Variants in ARL14EPL observed in about 807,000 individuals in gnomAD.
The protein encoded by ARL14EPL is ARL14 effector protein-like.
ARL14EPL carries 17 observed loss-of-function variants against 15.9 expected under a neutral mutation model. That is an observed-to-expected ratio of 1.07 (90% CI 0.73 to 1.60). The LOEUF (loss-of-function observed/expected upper bound fraction) is 1.60. Ranked by LOEUF, ARL14EPL falls within the 40% of genes most tolerant of loss-of-function variation. The probability of loss-of-function intolerance (pLI) is 0.00; values close to 1 mark genes in which losing one functional copy is unlikely to be tolerated. For synonymous variants in ARL14EPL, 78 were observed against 63.8 expected (o/e 1.22, Z -1.06); for missense variants, 214 against 185.9 (o/e 1.15, Z -0.88).
intron 1 of ARL14EPL, among the ~76,000 whole-genome samples, chr5:116,041,499 A>G (rs778427195): frequency 6.6e-6 from 1 of 152,152 alleles, no homozygotes; most frequent in Admixed American, 6.5e-5. Flanking sequence ...CTGAAATTGC[A>G]TAACTCTGCT....
At chr5:116,058,620 G>C (rs6880244) in intron 3 of ARL14EPL, 105 bp from the exon 4 acceptor site, 791,719 of 1,093,710 alleles carry the variant, frequency 0.72, 296,004 homozygotes, top group Non-Finnish European at 0.79. Flanking sequence ...GGAGTTCTGG[G>C]TCAGGGTAAA....
At chr5:116,051,865 T>G in intron 2 of ARL14EPL, 1 of 1,210,268 alleles carries the variant, frequency 8.3e-7, no homozygotes, top group Non-Finnish European at 1.2e-6. Flanking sequence ...ATTTTTTGAT[T>G]TAATAAAGTT....
chr5:116,054,854 A>G (rs1010569690), intron 3 of ARL14EPL, among the ~76,000 whole-genome samples: 4 of 151,274 alleles, frequency 2.6e-5, no homozygotes, highest in Non-Finnish European at 5.9e-5. Context: ...ATAAATAAAT[A>G]AAATAAAAAA....
intron 1 of ARL14EPL, among the ~76,000 whole-genome samples, chr5:116,044,273 G>A (rs1749222266): frequency 6.6e-6 from 1 of 152,128 alleles, no homozygotes; most frequent in Non-Finnish European, 1.5e-5. Flanking sequence ...AACAGAGCAA[G>A]TATTAACCTG....
intron 1 of ARL14EPL, among the ~76,000 whole-genome samples, chr5:116,050,701 T>C (rs1022733346): frequency 6.6e-6 from 1 of 151,860 alleles, no homozygotes; most frequent in Non-Finnish European, 1.5e-5. Context: ...AAGCCTCCTC[T>C]GGAGAGTGGT....
intron 2 of ARL14EPL, chr5:116,052,322 T>C (rs2662470): frequency 0.79 from 794,414 of 1,000,606 alleles, 318,828 homozygotes; most frequent in Non-Finnish European, 0.83. Flanking sequence ...ACCGCAGCCT[T>C]GCAAAGATGT....
chr5:116,039,308 A>G (rs1316010932), intron 1 of ARL14EPL, among the ~76,000 whole-genome samples: 2 of 152,220 alleles, frequency 1.3e-5, no homozygotes, highest in Non-Finnish European at 2.9e-5. Flanking sequence ...GCCTTCAAGC[A>G]AAGATCACAG....
At chr5:116,036,354 G>A (rs1580409706) in intron 1 of ARL14EPL, among the ~76,000 whole-genome samples, 2 of 152,158 alleles carry the variant, frequency 1.3e-5, no homozygotes, top group Non-Finnish European at 2.9e-5. Context: ...ATAATACAGT[G>A]TCAAGTGGGA....
intron 2 of ARL14EPL, chr5:116,052,043 G>A: frequency 1.2e-6 from 2 of 1,612,748 alleles, no homozygotes; most frequent in Non-Finnish European, 1.7e-6. Context: ...CCTGGCCAGG[G>A]AGCCTCGAAT....
At chr5:116,035,478 C>G (rs192406766) in intron 1 of ARL14EPL, among the ~76,000 whole-genome samples, 1 of 152,148 alleles carries the variant, frequency 6.6e-6, no homozygotes, top group Non-Finnish European at 1.5e-5. Flanking sequence ...AATCAGAAAC[C>G]AAATCGGCTT....
At chr5:116,047,600 C>T (rs1292239751) in intron 1 of ARL14EPL, among the ~76,000 whole-genome samples, 2 of 152,158 alleles carry the variant, frequency 1.3e-5, no homozygotes, top group East Asian at 1.9e-4. Context: ...GCTAAAAGGC[C>T]GAGTGGGGAA....
chr5:116,046,155 A>T (rs971529366), intron 1 of ARL14EPL, among the ~76,000 whole-genome samples: 3 of 151,958 alleles, frequency 2.0e-5, no homozygotes, highest in African/African-American at 7.3e-5. Context: ...AAATAGCTTG[A>T]CTCTCTTGTC....
At chr5:116,033,265 G>A (rs1174782032) in intron 1 of ARL14EPL, among the ~76,000 whole-genome samples, 1 of 152,112 alleles carries the variant, frequency 6.6e-6, no homozygotes, top group Non-Finnish European at 1.5e-5. Flanking sequence ...AAATTCAATA[G>A]TAACCATACT....
chr5:116,058,475 G>A (rs548708913), intron 3 of ARL14EPL, among the ~76,000 whole-genome samples: 132 of 152,248 alleles, frequency 8.7e-4, no homozygotes, highest in African/African-American at 3.1e-3. Context: ...TAGATGACAA[G>A]CCTGGCTGCA....
intron 1 of ARL14EPL, among the ~76,000 whole-genome samples, chr5:116,034,142 T>C (rs1245276400): frequency 6.6e-6 from 1 of 152,196 alleles, no homozygotes; most frequent in Non-Finnish European, 1.5e-5. Context: ...TTTTGGGTTT[T>C]CTATCCTCTG....
rs6880325 is a variant in ARL14EPL, at chr5:116,058,854, C to T, written c.366C>T (p.Pro122=). Residue 122 remains proline, a synonymous_variant, in exon 4 of 4, where the codon CCC becomes CCT. Transcript: ENST00000686077. ...CPKCNSNKCG[P]ECRCNRRWVY... is the part of the protein sequence containing the mutation. ...AGTGTAACTCCAACAAGTGTGGGCC[C>T]GAGTGCCGCTGCAACCGACGGTGGG... 56,575 of 1,535,998 alleles carry T rather than the reference C, an allele frequency of 0.037. 1,544 individuals are homozygous for T. The highest frequency in any genetic ancestry group is 0.15 in the East Asian group (6,241 of 40,908).
intron 1 of ARL14EPL, among the ~76,000 whole-genome samples, chr5:116,036,663 T>C (rs546289708): frequency 6.6e-6 from 1 of 152,338 alleles, no homozygotes; most frequent in Non-Finnish European, 1.5e-5. Flanking sequence ...TTTATTGATA[T>C]AAATAAACTT....
intron 1 of ARL14EPL, among the ~76,000 whole-genome samples, chr5:116,048,662 T>G (rs1446185308): frequency 6.6e-6 from 1 of 152,090 alleles, no homozygotes; most frequent in Admixed American, 6.6e-5. Context: ...AGTAAAACTT[T>G]GACATCTACG....
Position 116,040,218 on chromosome 5 carries a change from T to C in ARL14EPL, c.-10+7713T>C, listed in dbSNP as rs112476786. 9.3e-3 allele frequency among the ~76,000 whole-genome samples: 1,412 copies of C among 152,242 alleles called. 16 individuals carry two copies. The highest frequency in any genetic ancestry group is 0.028 in the African/African-American group (1,173 of 41,550). On this transcript the variant is annotated intron_variant, in intron 1 of 3. Coordinates refer to ENST00000686077, the MANE Select transcript of ARL14EPL (RefSeq NM_001195581.2). ...TGTCTATTTTAAAGCTTTTGACATA[T>C]ACCAAATGGCTATATATAATTTCTA... is the stretch of plus-strand genomic sequence containing the variant.
Sources: gnomAD v4.1 joint callset for allele counts (sites outside exome capture counted in the v4.1 genomes callset) on GRCh38, gnomAD v4.1.1 for gene constraint, MANE v1.5 for transcripts, NCBI Gene and HGNC (gene_info 2026-07-23, HGNC 2026-07-21) for gene names.